PLEKHA2: variants seen among roughly 807,000 people sequenced by gnomAD.
The protein encoded by PLEKHA2 is pleckstrin homology domain containing A2.
In PLEKHA2, 28 loss-of-function variants were observed where a neutral mutation model predicts 53.2. The ratio of observed to expected loss-of-function variants is 0.53; its 90% CI spans 0.39 to 0.72. The LOEUF is 0.72. Ranked by LOEUF, PLEKHA2 falls within the 30% of genes least tolerant of loss-of-function variation. The pLI, the probability that PLEKHA2 is intolerant of heterozygous loss-of-function variation, is 0.00. For synonymous variants in PLEKHA2, 193 were observed against 196.4 expected (o/e 0.98, Z 0.14); for missense variants, 426 against 537.9 (o/e 0.79, Z 2.06).
intron 4 of PLEKHA2, 29 bp downstream of exon 4, chr8:38,943,866 T>C: frequency 6.5e-7 from 1 of 1,545,354 alleles, no homozygotes; most frequent in Non-Finnish European, 8.7e-7. Flanking sequence ...GAGGGACTCA[T>C]TTAATATTGA....
intron 1 of PLEKHA2, among the ~76,000 whole-genome samples, chr8:38,908,912 A>G (rs1833916758): frequency 6.6e-6 from 1 of 152,194 alleles, no homozygotes; most frequent in African/African-American, 2.4e-5. Context: ...TGGGAGTCCA[A>G]GGTGGGTGGA....
chr8:38,931,493 C>A (rs1834392840), intron 2 of PLEKHA2, among the ~76,000 whole-genome samples: 1 of 152,120 alleles, frequency 6.6e-6, no homozygotes, highest in South Asian at 2.1e-4. Flanking sequence ...CCTCTTCTAC[C>A]CGATCCTGAT....
Position 38,959,857 on chromosome 8 carries a change from G to A in PLEKHA2, c.837+2471G>A, listed in dbSNP as rs141977532. Among the ~76,000 whole-genome samples, 325 of 152,352 alleles carry A rather than the reference G, an allele frequency of 2.1e-3. 2 individuals carry two copies. Among genetic ancestry groups the A allele is most frequent in the Admixed American group, 4.4e-3 (68 of 15,304 alleles). On this transcript the variant is annotated intron_variant, in intron 10 of 11. Transcript: ENST00000617275. ...ACCAGTCATTGTAACAGGAGCATGG[G>A]AGGAGGAGCTGTTGAGAGGAAACAC...
At chr8:38,957,493 T>A in intron 10 of PLEKHA2, 107 bp downstream of exon 10, 1 of 984,022 alleles carries the variant, frequency 1.0e-6, no homozygotes, top group Admixed American at 2.3e-5. Flanking sequence ...TTGAAGTTTC[T>A]AGGCAGTAAA....
At chr8:38,953,179 T>G in intron 8 of PLEKHA2, 118 bp from the exon 9 acceptor site, 2 of 845,054 alleles carry the variant, frequency 2.4e-6, no homozygotes, top group Non-Finnish European at 4.0e-6. Context: ...TGAGACCAGA[T>G]TATTTGTCAA....
chr8:38,956,595 T>G (rs1834944755), intron 9 of PLEKHA2, among the ~76,000 whole-genome samples: 2 of 151,778 alleles, frequency 1.3e-5, no homozygotes, highest in South Asian at 4.2e-4. Flanking sequence ...AGCTCAGGAG[T>G]TCAAGACCAG....
At chr8:38,932,916 C>T (rs566441034) in intron 2 of PLEKHA2, among the ~76,000 whole-genome samples, 96 of 152,248 alleles carry the variant, frequency 6.3e-4, no homozygotes, top group African/African-American at 2.2e-3. Context: ...GTGAGGACCC[C>T]TGCCCTTACC....
intron 11 of PLEKHA2, 118 bp from the exon 12 acceptor site, chr8:38,969,303 C>G (rs971039136): frequency 2.5e-6 from 3 of 1,213,794 alleles, no homozygotes; most frequent in Admixed American, 2.8e-5. Context: ...TGTAGGCAAG[C>G]ATCCTTGGAC....
intron 10 of PLEKHA2, among the ~76,000 whole-genome samples, chr8:38,962,738 G>C (rs1835061517): frequency 6.6e-6 from 1 of 152,224 alleles, no homozygotes; most frequent in Non-Finnish European, 1.5e-5. Context: ...GTGCAAACTG[G>C]TCTTAGCTTG....
chr8:38,957,950 A>G (rs1252595979), intron 10 of PLEKHA2, among the ~76,000 whole-genome samples: 1 of 152,230 alleles, frequency 6.6e-6, no homozygotes, highest in Admixed American at 6.5e-5. Flanking sequence ...TTCAGGGCCA[A>G]GTCCTAACCC....
At chr8:38,903,884 C>A (rs541060523) in intron 1 of PLEKHA2, among the ~76,000 whole-genome samples, 1 of 152,254 alleles carries the variant, frequency 6.6e-6, no homozygotes. Flanking sequence ...GTTGCTCTGC[C>A]CCCTCTCTTT....
At chr8:38,947,859 C>A (rs1196827019) in intron 5 of PLEKHA2, among the ~76,000 whole-genome samples, 1 of 151,996 alleles carries the variant, frequency 6.6e-6, no homozygotes, top group Non-Finnish European at 1.5e-5. Context: ...GAGGCTGAGG[C>A]GGGTGGATCA....
At chr8:38,957,905 A>T (rs1011444632) in intron 10 of PLEKHA2, among the ~76,000 whole-genome samples, 1 of 152,204 alleles carries the variant, frequency 6.6e-6, no homozygotes, top group African/African-American at 2.4e-5. Flanking sequence ...AGTCATAGGA[A>T]CTAGAAAGGC....
At chr8:38,913,365 A>G (rs774899792) in intron 1 of PLEKHA2, among the ~76,000 whole-genome samples, 101 of 78,476 alleles carry the variant, frequency 1.3e-3, no homozygotes, top group Non-Finnish European at 1.8e-3. Flanking sequence ...CTCCATCTCA[A>G]AAAGGAAAAA....
intron 4 of PLEKHA2, among the ~76,000 whole-genome samples, chr8:38,945,310 C>T (rs1834691401): frequency 6.6e-6 from 1 of 152,108 alleles, no homozygotes; most frequent in Non-Finnish European, 1.5e-5. Flanking sequence ...TGTTTCCTAG[C>T]GCATAGTAGG....
At chr8:38,965,632 C>G (rs986871260) in intron 10 of PLEKHA2, among the ~76,000 whole-genome samples, 1 of 152,024 alleles carries the variant, frequency 6.6e-6, no homozygotes, top group Non-Finnish European at 1.5e-5. Flanking sequence ...TTTTTAACCT[C>G]CAAATACATG....
At chr8:38,929,507 A>G (rs1834350081) in intron 2 of PLEKHA2, among the ~76,000 whole-genome samples, 1 of 152,238 alleles carries the variant, frequency 6.6e-6, no homozygotes, top group South Asian at 2.1e-4. Context: ...TTTGGGAATC[A>G]GGAAGGGTTG....
intron 3 of PLEKHA2, among the ~76,000 whole-genome samples, chr8:38,939,026 C>G (rs2129419786): frequency 6.6e-6 from 1 of 152,134 alleles, no homozygotes; most frequent in East Asian, 1.9e-4. Flanking sequence ...GCCTCAGCCT[C>G]CCGAGTAGCT....
rs143433021 is a variant in PLEKHA2, at chr8:38,962,314, C to T, written c.837+4928C>T. Among the ~76,000 whole-genome samples, 9 of 152,040 alleles carry T rather than the reference C, an allele frequency of 5.9e-5. No individual in the cohort carries two copies. In the East Asian group the frequency reaches 1.2e-3, roughly 20 times the overall value. On this transcript the variant is annotated intron_variant, in intron 10 of 11. Coordinates refer to ENST00000617275, the MANE Select transcript of PLEKHA2 (RefSeq NM_021623.2). ...CACCAGCCTCAGCAACCCAGTGAGA[C>T]CCCTGTCTCTAAAAACAAGCAAAAG...
Sources: gnomAD v4.1 joint callset for allele counts (sites outside exome capture counted in the v4.1 genomes callset) on GRCh38, gnomAD v4.1.1 for gene constraint, MANE v1.5 for transcripts, NCBI Gene and HGNC (gene_info 2026-07-23, HGNC 2026-07-21) for gene names.